GSTA3: variants seen among roughly 807,000 people sequenced by gnomAD.
The protein encoded by GSTA3 is glutathione S-transferase A3.
In GSTA3, 16 loss-of-function variants were observed where a neutral mutation model predicts 23.1. The ratio of observed to expected loss-of-function variants is 0.69; its 90% CI spans 0.47 to 1.05. GSTA3 has a LOEUF of 1.05. Among genes scored for constraint, GSTA3 ranks in the 50% least tolerant of loss-of-function variants. GSTA3 has a pLI of 0.00. For missense variants in GSTA3, 319 were observed against 263.6 expected, an observed-to-expected ratio of 1.21 and a Z score of -1.46; for synonymous variants, 122 against 91.0, an observed-to-expected ratio of 1.34 and a Z score of -1.94.
chr6:52,898,792 G>A (rs552134197), intron 5 of GSTA3, among the ~76,000 whole-genome samples: 3 of 152,298 alleles, frequency 2.0e-5, no homozygotes, highest in Admixed American at 6.5e-5. Context: ...TGGAACAACG[G>A]TGAGCGCACA....
chr6:52,898,402 G>T (rs540069591), intron 5 of GSTA3, among the ~76,000 whole-genome samples: 4 of 152,218 alleles, frequency 2.6e-5, no homozygotes, highest in Non-Finnish European at 5.9e-5. Flanking sequence ...CTATTTCAGA[G>T]TCTTCATTTC....
intron 4 of GSTA3, among the ~76,000 whole-genome samples, chr6:52,901,563 C>G (rs1765685061): frequency 6.6e-6 from 1 of 152,108 alleles, no homozygotes; most frequent in African/African-American, 2.4e-5. Flanking sequence ...TTTTGAATAC[C>G]ATGAAAATTG....
intron 1 of GSTA3, among the ~76,000 whole-genome samples, chr6:52,908,488 C>T (rs575809535): frequency 5.9e-5 from 9 of 152,156 alleles, no homozygotes; most frequent in African/African-American, 2.2e-4. Flanking sequence ...GCATTCCAGC[C>T]TGGGTGACAG....
Position 52,899,960 on chromosome 6 carries a change from T to TG in GSTA3, c.387_388insC (p.Ser130GlnfsTer28). On this transcript the variant is annotated frameshift_variant, in exon 5 of 7. Coordinates refer to ENST00000211122, the MANE Select transcript of GSTA3 (RefSeq NM_000847.5). LOFTEE classifies it high-confidence loss of function. ...TTTTCGAAGGCAGGGAAATAGCGAC[T>TG]TTTTGTTTTCTCTTTGATCAAGGCA... 1.2e-6 allele frequency: 2 copies of TG among 1,614,070 alleles called. No homozygotes were observed. Among genetic ancestry groups the TG allele is most frequent in the Non-Finnish European group, 1.7e-6 (2 of 1,179,962 alleles).
intron 1 of GSTA3, among the ~76,000 whole-genome samples, chr6:52,908,451 G>A (rs115907321): frequency 6.4e-4 from 98 of 152,228 alleles, no homozygotes; most frequent in African/African-American, 2.1e-3. Flanking sequence ...AGATGTTAAG[G>A]CTGCAGTGAA....
intron 2 of GSTA3, among the ~76,000 whole-genome samples, 195 bp downstream of exon 2, chr6:52,905,553 T>TC (rs1765862479): frequency 6.6e-6 from 1 of 151,868 alleles, no homozygotes; most frequent in South Asian, 2.1e-4. Flanking sequence ...GTGTTCTTTT[T>TC]CATGTGCTCT....
chr6:52,905,886 T>C, intron 1 of GSTA3, 31 bp from the exon 2 acceptor site: 7 of 1,097,632 alleles, frequency 6.4e-6, no homozygotes, highest in Non-Finnish European at 9.7e-6. Context: ...CATGAATGGA[T>C]GAATGAATGA....
At position 52,899,956 on chromosome 6, in the gene GSTA3, C is replaced by T. The variant is rs766772813; in HGVS notation, c.392G>A (p.Arg131His). The T allele has an allele frequency of 8.1e-6, 13 of 1,613,876 alleles. No individual in the cohort carries two copies. The highest frequency in any genetic ancestry group is 4.0e-5 in the African/African-American group (3 of 74,898). ...IALIKEKTKS[R>H]YFPAFEKVLQ... The stretch of plus-strand genomic sequence containing the variant: ...TACTTTTTCGAAGGCAGGGAAATAG[C>T]GACTTTTTGTTTTCTCTTTGATCAA... Residue 131 changes from arginine (R) to histidine (H), a missense_variant, in exon 5 of 7, where the codon CGC becomes CAC. Transcript: ENST00000211122.
intron 1 of GSTA3, among the ~76,000 whole-genome samples, chr6:52,906,710 G>A (rs1228709420): frequency 6.6e-6 from 1 of 151,436 alleles, no homozygotes; most frequent in African/African-American, 2.4e-5. Flanking sequence ...CAAGCAATGG[G>A]GAAAGGATTC....
intron 5 of GSTA3, 108 bp downstream of exon 5, chr6:52,899,826 C>CA: frequency 9.7e-7 from 1 of 1,027,480 alleles, no homozygotes; most frequent in South Asian, 1.4e-5. Flanking sequence ...AATTGGTGTT[C>CA]AGGAAGTCTC....
intron 5 of GSTA3, among the ~76,000 whole-genome samples, chr6:52,899,629 C>T (rs1322999677): frequency 2.6e-5 from 4 of 152,206 alleles, no homozygotes; most frequent in African/African-American, 7.2e-5. Flanking sequence ...TCAACAGCAA[C>T]CTCTAGTGTG....
At chr6:52,904,749 C>A (rs1194974697) in intron 2 of GSTA3, among the ~76,000 whole-genome samples, 2 of 152,202 alleles carry the variant, frequency 1.3e-5, no homozygotes, top group Non-Finnish European at 2.9e-5. Flanking sequence ...CTCAGTGACA[C>A]CTCTAGAAGG....
intron 2 of GSTA3, among the ~76,000 whole-genome samples, chr6:52,904,742 A>T (rs1264933812): frequency 6.6e-6 from 1 of 152,186 alleles, no homozygotes; most frequent in East Asian, 1.9e-4. Flanking sequence ...TGTTTTTCTC[A>T]GTGACACCTC....
Position 52,903,704 on chromosome 6 carries a change from A to C in GSTA3, c.111T>G (p.Ser37=), listed in dbSNP as rs376673608. 7.5e-6 allele frequency: 12 copies of C among 1,593,872 alleles called. No individual in the cohort carries two copies. Among genetic ancestry groups the C allele is most frequent in the Non-Finnish European group, 1.0e-5 (12 of 1,161,986 alleles). ...GVEFEEKFIG[S]AEDLGKLRND... The stretch of plus-strand genomic sequence containing the variant: ...TTCTTAACTTTCCCAAATCTTCTGC[A>C]GATCCTATAAATTTCTCTTCAAACT... Residue 37 remains serine, a synonymous_variant, in exon 3 of 7, where the codon TCT becomes TCG. Coordinates refer to ENST00000211122, the MANE Select transcript of GSTA3 (RefSeq NM_000847.5).
At chr6:52,906,279 C>T (rs1038624883) in intron 1 of GSTA3, among the ~76,000 whole-genome samples, 1 of 152,038 alleles carries the variant, frequency 6.6e-6, no homozygotes, top group Non-Finnish European at 1.5e-5. Context: ...ATATGTTGAA[C>T]CCCAAAGAAA....
At position 52,902,416 on chromosome 6, in the gene GSTA3, T is replaced by G. The variant is rs1436450264; in HGVS notation, c.202A>C (p.Thr68Pro). 1 of 1,613,990 alleles carries G rather than the reference T, an allele frequency of 6.2e-7. No individual in the cohort carries two copies. The highest frequency in any genetic ancestry group is 2.2e-5 in the East Asian group (1 of 44,886). ...GCAATGTAGTTGAGAATGGCTCTGG[T>G]CTGTACCAACTTCATCCCATCAATC... Reference protein sequence around the residue: ...VEIDGMKLVQTRAILNYIASK... With the variant: ...VEIDGMKLVQPRAILNYIASK... The change falls in exon 4 of 7, where the codon ACC (threonine) becomes CCC (proline). Residue 68 changes from threonine (T) to proline (P), a missense_variant. Physicochemically the swap from Thr to Pro is conservative, Grantham distance 38. Transcript: ENST00000211122.
intron 2 of GSTA3, among the ~76,000 whole-genome samples, chr6:52,904,848 G>A (rs1194998473): frequency 6.6e-6 from 1 of 152,144 alleles, no homozygotes; most frequent in Non-Finnish European, 1.5e-5. Context: ...GAATGCCTGG[G>A]TGTTCTAGAA....
At position 52,905,791 on chromosome 6, in the gene GSTA3, C is replaced by T. The variant is rs766417779; in HGVS notation, c.44G>A (p.Arg15Lys). Reference sequence around the variant, plus strand: ...CAAGAGCCACCGGATGGGCTCCATTCTGCCCCGTCCATTGAAGTAGTGAAG... The same window carrying T: ...CAAGAGCCACCGGATGGGCTCCATTTTGCCCCGTCCATTGAAGTAGTGAAG... ...PKLHYFNGRG[R>K]MEPIRWLLAA... is the part of the protein sequence containing the mutation. Residue 15 changes from arginine (R) to lysine (K), a missense_variant, in exon 2 of 7, where the codon AGA (arginine) becomes AAA (lysine). By Grantham distance (26) the Arg-to-Lys change is conservative. Transcript: ENST00000211122. 1 of 1,611,328 alleles carries T rather than the reference C, an allele frequency of 6.2e-7. No individual in the cohort carries two copies. The highest frequency in any genetic ancestry group is 1.1e-5 in the South Asian group (1 of 90,866).
At chr6:52,907,885 T>C (rs1765946163) in intron 1 of GSTA3, among the ~76,000 whole-genome samples, 1 of 150,636 alleles carries the variant, frequency 6.6e-6, no homozygotes, top group Non-Finnish European at 1.5e-5. Flanking sequence ...GATGATGAGT[T>C]GGTGGGTGCA....
Sources: allele counts gnomAD v4.1 joint callset (sites outside exome capture counted in the v4.1 genomes callset), GRCh38; gene constraint gnomAD v4.1.1; transcripts MANE v1.5; gene names NCBI Gene and HGNC (gene_info 2026-07-23, HGNC 2026-07-21).